Variants in NHLRC2 observed in about 807,000 individuals in gnomAD.
NHLRC2 encodes the protein NHL repeat containing 2, also known as NHL repeat-containing protein 2.
A neutral mutation model predicts 68.1 loss-of-function variants in NHLRC2; 33 were observed. That is an observed-to-expected ratio of 0.48 (90% confidence interval 0.37 to 0.65). The LOEUF is 0.65. NHLRC2 is among the 30% of genes least tolerant of loss of function. NHLRC2 has a pLI of 0.00. For synonymous variants in NHLRC2, 311 were observed against 309.6 expected (o/e 1.00, Z -0.05); for missense variants, 761 against 853.8 (o/e 0.89, Z 1.35).
chr10:113,880,913 C>A (rs1846031257), intron 4 of NHLRC2, among the ~76,000 whole-genome samples: 1 of 151,804 alleles, frequency 6.6e-6, no homozygotes. Context: ...TAAAGTCTTG[C>A]AGACTTTCTT....
chr10:113,856,407 C>T (rs1845759435), intron 1 of NHLRC2, among the ~76,000 whole-genome samples: 1 of 152,132 alleles, frequency 6.6e-6, no homozygotes. Flanking sequence ...GCTTATTTTT[C>T]CTGCTATTAA....
At chr10:113,884,216 T>G in intron 4 of NHLRC2, 35 bp from the exon 5 acceptor site, 1 of 1,589,588 alleles carries the variant, frequency 6.3e-7, no homozygotes, top group Non-Finnish European at 8.6e-7. Context: ...AAAAGTAACA[T>G]TCATTGCATA....
chr10:113,868,494 C>T (rs957967651), intron 2 of NHLRC2, among the ~76,000 whole-genome samples: 9 of 152,100 alleles, frequency 5.9e-5, no homozygotes, highest in East Asian at 1.9e-4. Flanking sequence ...TGTGTTTGTA[C>T]GTAGATCAAT....
At chr10:113,898,557 C>T (rs1589547393) in intron 6 of NHLRC2, among the ~76,000 whole-genome samples, 1 of 152,298 alleles carries the variant, frequency 6.6e-6, no homozygotes, top group East Asian at 1.9e-4. Flanking sequence ...TACATTTTAT[C>T]AGCCAGAGTA....
chr10:113,869,717 C>T (rs897648269), intron 2 of NHLRC2, among the ~76,000 whole-genome samples: 1 of 152,078 alleles, frequency 6.6e-6, no homozygotes, highest in Non-Finnish European at 1.5e-5. Flanking sequence ...TGATAACATA[C>T]TTTATGATAA....
chr10:113,859,769 T>A (rs1040279560), intron 2 of NHLRC2, among the ~76,000 whole-genome samples: 1 of 152,174 alleles, frequency 6.6e-6, no homozygotes, highest in Non-Finnish European at 1.5e-5. Flanking sequence ...TGAGGAAATA[T>A]GTAACAAAAT....
At chr10:113,862,484 CA>C (rs538717470) in intron 2 of NHLRC2, among the ~76,000 whole-genome samples, 201 of 130,892 alleles carry the variant, frequency 1.5e-3, no homozygotes, top group South Asian at 3.6e-3. Context: ...ATCAACTAAA[CA>C]AAAAAAAAAA....
At chr10:113,855,752 GTTTCCCAAAGTGCTGGGATT>G (rs1370796568) in intron 1 of NHLRC2, among the ~76,000 whole-genome samples, 1 of 152,152 alleles carries the variant, frequency 6.6e-6, no homozygotes, top group Non-Finnish European at 1.5e-5. Context: ...TCCCGCCTCC[GTTTCCCAAAGTGCTGGGATT>G]ACAGGCGTGA....
Position 113,908,271 on chromosome 10 carries a change from G to T in NHLRC2, c.1925-9G>T, listed in dbSNP as rs1426748970. On this transcript the variant is annotated splice_polypyrimidine_tract_variant and intron_variant, in intron 10 of 10. Transcript: ENST00000369301. ...ATACAGTCTTAATAATTTCATTTTT[G>T]ATTTTTAGGCAATGAATGGCTACTT... 3.1e-6 allele frequency: 5 copies of T among 1,608,884 alleles called. No individual in the cohort carries two copies. The highest frequency in any genetic ancestry group is 2.7e-5 in the African/African-American group (2 of 74,706).
At position 113,914,276 on chromosome 10, in the gene NHLRC2, C is replaced by G. The variant is rs1180489181; in HGVS notation, c.*5740C>G. 1.3e-5 allele frequency: 2 copies of G among 152,320 alleles called. No homozygotes were observed. Among genetic ancestry groups the G allele is most frequent in the African/African-American group, 4.8e-5 (2 of 41,450 alleles). 9.4% of individuals were successfully genotyped at this position (152,320 alleles called of 1,614,324 possible). On this transcript the variant is annotated 3_prime_UTR_variant, in exon 11 of 11. Transcript: ENST00000369301. ...CCACTTCCTGTGTTCAAGCAATTCT[C>G]CTGCCTCAGCCTCCTGAGTAGCTGG... is the stretch of plus-strand genomic sequence containing the variant.
At chr10:113,885,079 A>G (rs936416944) in intron 5 of NHLRC2, among the ~76,000 whole-genome samples, 1 of 151,868 alleles carries the variant, frequency 6.6e-6, no homozygotes, top group African/African-American at 2.4e-5. Context: ...CGAAAATGTA[A>G]TTTTGGACTA....
intron 2 of NHLRC2, among the ~76,000 whole-genome samples, chr10:113,860,608 C>G (rs1241766761): frequency 6.6e-6 from 1 of 151,946 alleles, no homozygotes; most frequent in Non-Finnish European, 1.5e-5. Flanking sequence ...TGATACATAT[C>G]TATGAGACAA....
intron 2 of NHLRC2, 182 bp downstream of exon 2, chr10:113,858,862 G>C (rs1435413462): frequency 7.2e-6 from 3 of 418,388 alleles, no homozygotes; most frequent in African/African-American, 6.1e-5. Flanking sequence ...CTTAGTGATA[G>C]TGGTTTGCCT....
In NHLRC2 at chr10:113,908,500, T is replaced by A. The variant is rs549221367; in HGVS notation, c.2145T>A (p.Gly715=). The change falls in exon 11 of 11, where the codon GGT becomes GGA. Residue 715 remains glycine (G), a synonymous_variant. Coordinates refer to ENST00000369301, the MANE Select transcript of NHLRC2 (RefSeq NM_198514.4). Reference sequence around the variant, plus strand: ...TACAAATAACGGATACACAGCAAGGTTGCATAGCTCCAGTAGAGCTCAGGT... The same window carrying A: ...TACAAATAACGGATACACAGCAAGGATGCATAGCTCCAGTAGAGCTCAGGT... The part of the protein sequence containing the change: ...QPLQITDTQQ[G]CIAPVELRYV... The A allele has an allele frequency of 7.4e-6, 12 of 1,614,076 alleles. No homozygotes were observed. The highest frequency in any genetic ancestry group is 1.0e-5 in the Non-Finnish European group (12 of 1,179,970).
intron 3 of NHLRC2, among the ~76,000 whole-genome samples, chr10:113,878,439 A>G (rs1846005697): frequency 6.6e-6 from 1 of 152,232 alleles, no homozygotes; most frequent in Non-Finnish European, 1.5e-5. Context: ...ATTTTACAGA[A>G]GTAAAACTGA....
intron 6 of NHLRC2, 79 bp downstream of exon 6, chr10:113,898,288 C>A: frequency 2.3e-6 from 2 of 877,962 alleles, no homozygotes; most frequent in Non-Finnish European, 3.7e-6. Context: ...TCACCATCCT[C>A]ACTGTACCAG....
chr10:113,905,776 C>T (rs966923063), intron 10 of NHLRC2, among the ~76,000 whole-genome samples: 1 of 152,120 alleles, frequency 6.6e-6, no homozygotes, highest in African/African-American at 2.4e-5. Flanking sequence ...TTCCTTCTTA[C>T]CTTCAACTTT....
chr10:113,856,263 T>G (rs1435530107), intron 1 of NHLRC2, among the ~76,000 whole-genome samples: 1 of 152,240 alleles, frequency 6.6e-6, no homozygotes, highest in African/African-American at 2.4e-5. Flanking sequence ...GGCGTGACAC[T>G]GAAACCACAT....
chr10:113,870,555 G>A (rs1052569180), intron 2 of NHLRC2, among the ~76,000 whole-genome samples: 1 of 152,094 alleles, frequency 6.6e-6, no homozygotes, highest in Non-Finnish European at 1.5e-5. Context: ...CCTGTGTGTT[G>A]GCTCTTAGAT....
Sources: gnomAD v4.1 joint callset for allele counts (sites outside exome capture counted in the v4.1 genomes callset) on GRCh38, gnomAD v4.1.1 for gene constraint, MANE v1.5 for transcripts, NCBI Gene and HGNC (gene_info 2026-07-23, HGNC 2026-07-21) for gene names.